Variants in RHBG observed in about 807,000 individuals in gnomAD.
The protein encoded by RHBG is ammonium transporter Rh type B.
RHBG carries 39 observed loss-of-function variants against 40.1 expected under a neutral mutation model. That is an observed-to-expected ratio of 0.97 (90% CI 0.75 to 1.27). The LOEUF is 1.27. Among genes scored for constraint, RHBG ranks in the 50% most tolerant of loss-of-function variants. The pLI, the probability that RHBG is intolerant of heterozygous loss-of-function variation, is 0.00. For missense variants in RHBG, 549 were observed against 588.1 expected (o/e 0.93, Z 0.69); for synonymous variants, 237 against 252.5 (o/e 0.94, Z 0.58).
Position 156,384,288 on chromosome 1 carries a change from CA to C in RHBG, c.1235-238del. 3 of 594,112 alleles carry C rather than the reference CA, an allele frequency of 5.0e-6. No individual in the cohort carries two copies. In the Admixed American group the frequency reaches 9.0e-5, roughly 18 times the overall value. 36.8% of individuals were successfully genotyped at this position (594,112 alleles called of 1,614,324 possible). A position where few individuals can be genotyped will look rare whatever the true frequency, so the allele number is the denominator to read the frequency against. ...GAGTCTTGTTTCTTTGTTTGTAATA[CA>C]GGAATAATATTGGCCTTGCAGGGTT... On this transcript the variant is annotated intron_variant, in intron 8 of 9. Transcript: ENST00000537040.
Position 156,382,204 on chromosome 1 carries a change from G to C in RHBG, c.1112+3G>C, listed in dbSNP as rs1397256739. On this transcript the variant is annotated splice_donor_region_variant and intron_variant, in intron 7 of 9. Transcript: ENST00000537040. Reference sequence around the variant, plus strand: ...ACCCATGAAGCTTACGGAGATGGGTGAGTTTCCTCCCAACCCGTACTGCAG... The same window carrying C: ...ACCCATGAAGCTTACGGAGATGGGTCAGTTTCCTCCCAACCCGTACTGCAG... The C allele has an allele frequency of 1.2e-6, 2 of 1,614,134 alleles. No homozygotes were observed. The highest frequency in any genetic ancestry group is 1.1e-5 in the South Asian group (1 of 91,082).
At chr1:156,383,456 A>G (rs1012327216) in intron 8 of RHBG, among the ~76,000 whole-genome samples, 1 of 152,158 alleles carries the variant, frequency 6.6e-6, no homozygotes, top group African/African-American at 2.4e-5. Flanking sequence ...TTGTATTTTT[A>G]GTAGAGACGG....
chr1:156,375,501 G>A (rs115077245), intron 1 of RHBG, among the ~76,000 whole-genome samples: 1 of 150,732 alleles, frequency 6.6e-6, no homozygotes, highest in Non-Finnish European at 1.5e-5. Flanking sequence ...CAAAGTTACT[G>A]ATTGCATTCT....
intron 4 of RHBG, among the ~76,000 whole-genome samples, chr1:156,380,916 T>G (rs1265443094): frequency 6.6e-6 from 1 of 151,948 alleles, no homozygotes; most frequent in Non-Finnish European, 1.5e-5. Flanking sequence ...ATTATTATTA[T>G]TGAGATAGGG....
intron 1 of RHBG, chr1:156,371,129 T>G: frequency 2.3e-6 from 1 of 429,814 alleles, no homozygotes; most frequent in Non-Finnish European, 4.6e-6. Context: ...AGTCTCCTAT[T>G]AAAAATTTCC....
chr1:156,378,131 T>C lies in RHBG; in HGVS notation c.516T>C (p.His172=), dbSNP rs1356110899. Residue 172 remains histidine (H), a synonymous_variant, in exon 3 of 10, where the codon CAT becomes CAC. Coordinates refer to ENST00000537040, the MANE Select transcript of RHBG (RefSeq NM_020407.5). The part of the protein sequence containing the change: ...LFGINEFVLL[H]LLGVRDAGGS... ...GCATCAATGAGTTTGTGCTCCTTCA[T>C]CTCCTGGGGGTGAGAGTCTGGGGAG... is the stretch of plus-strand genomic sequence containing the variant. The C allele has an allele frequency of 2.5e-6, 4 of 1,591,080 alleles. No individual in the cohort carries two copies. The highest frequency in any genetic ancestry group is 3.4e-6 in the Non-Finnish European group (4 of 1,166,156).
At chr1:156,378,485 G>A in intron 4 of RHBG, 86 bp downstream of exon 4, 1 of 1,476,912 alleles carries the variant, frequency 6.8e-7, no homozygotes, top group African/African-American at 1.4e-5. Context: ...TCGGGGTGCT[G>A]ACTGCAGTCC....
intron 5 of RHBG, 59 bp from the exon 6 acceptor site, chr1:156,381,747 T>C: frequency 1.3e-6 from 2 of 1,541,278 alleles, no homozygotes; most frequent in Non-Finnish European, 1.7e-6. Flanking sequence ...GTGTGTAGGG[T>C]TGGGTTGCTG....
rs67037881 is a variant in RHBG, at chr1:156,380,112, CT to C, written c.674-1219del. 5.7e-3 allele frequency among the ~76,000 whole-genome samples: 747 copies of C among 130,074 alleles called. 5 individuals carry two copies. Among genetic ancestry groups the C allele is most frequent in the African/African-American group, 0.018 (634 of 35,466 alleles). The allele number at this position is 130,074 out of a possible 152,430, so 85.3% of individuals were successfully genotyped here. On this transcript the variant is annotated intron_variant, in intron 4 of 9. Transcript: ENST00000537040. ...GCCTTTTTTCCTTTCCTTTCTTTTT[CT>C]TTTTTTTTTTTTTTTGAGATGGAGT... is the stretch of plus-strand genomic sequence containing the variant.
At position 156,385,159 on chromosome 1, in the gene RHBG, C is replaced by T. The variant is rs1403035631; in HGVS notation, c.*314C>T. On this transcript the variant is annotated 3_prime_UTR_variant, in exon 10 of 10. Transcript: ENST00000537040. ...CAAGTGATCCACTGGCCCCACGTCA[C>T]ACAGTTACAGTGAAGCCCAAGCCAG... The T allele has an allele frequency of 3.3e-6, 1 of 307,490 alleles. No individual in the cohort carries two copies. Among genetic ancestry groups the T allele is most frequent in the Admixed American group, 4.2e-5 (1 of 23,652 alleles). 19.0% of individuals were successfully genotyped at this position (307,490 alleles called of 1,614,324 possible). A position where few individuals can be genotyped will look rare whatever the true frequency, so the allele number is the denominator to read the frequency against.
chr1:156,377,566 C>T lies in RHBG; in HGVS notation c.374+79C>T. On this transcript the variant is annotated intron_variant, in intron 2 of 9. Coordinates refer to ENST00000537040, the MANE Select transcript of RHBG (RefSeq NM_020407.5). This position sits in a 1 kb window ranked among gnomAD's most constrained non-coding sequence, Gnocchi z 4.6. ...CCATGGGCCCCGGATCTAGCCCTGT[C>T]CTTCAAGTCTGCTTCCTGACTCACG... The T allele has an allele frequency of 1.4e-6, 2 of 1,433,974 alleles. No individual in the cohort carries two copies. Among genetic ancestry groups the T allele is most frequent in the South Asian group, 2.6e-5 (2 of 76,736 alleles). The allele number at this position is 1,433,974 out of a possible 1,614,324, so 88.8% of individuals were successfully genotyped here. A position where few individuals can be genotyped will look rare whatever the true frequency, so the allele number is the denominator to read the frequency against.
chr1:156,384,675 C>T, intron 9 of RHBG, 75 bp downstream of exon 9: 1 of 1,541,272 alleles, frequency 6.5e-7, no homozygotes, highest in Non-Finnish European at 8.9e-7. Flanking sequence ...AAGTTGCCTT[C>T]TTCCTTCCTT....
chr1:156,375,031 AT>A (rs1372957211), intron 1 of RHBG, among the ~76,000 whole-genome samples: 1 of 151,266 alleles, frequency 6.6e-6, no homozygotes, highest in African/African-American at 2.4e-5. Flanking sequence ...AGTTGGGGAC[AT>A]TTAGTGTCCC....
Position 156,377,873 on chromosome 1 carries a change from A to G in RHBG, c.375-117A>G. The G allele has an allele frequency of 8.9e-7, 1 of 1,128,914 alleles. No individual in the cohort carries two copies. Among genetic ancestry groups the G allele is most frequent in the Non-Finnish European group, 1.2e-6 (1 of 805,088 alleles). The allele number at this position is 1,128,914 out of a possible 1,614,324, so 69.9% of individuals were successfully genotyped here. A position where few individuals can be genotyped will look rare whatever the true frequency, so the allele number is the denominator to read the frequency against. On this transcript the variant is annotated intron_variant, in intron 2 of 9. Transcript: ENST00000537040. This position sits in a 1 kb window ranked among gnomAD's most constrained non-coding sequence, Gnocchi z 4.6. ...AGCTTGAGCTCCTTGTCTTCTCTCCAGAACTCCAACCCCACCCCACCCACC... is the reference window on the plus strand; with the variant it reads ...AGCTTGAGCTCCTTGTCTTCTCTCCGGAACTCCAACCCCACCCCACCCACC...
At chr1:156,382,999 G>A (rs1250634826) in intron 8 of RHBG, 130 bp downstream of exon 8, 1 of 1,327,738 alleles carries the variant, frequency 7.5e-7, no homozygotes, top group Non-Finnish European at 1.0e-6. Flanking sequence ...TGTGGGTTAA[G>A]GGGTAACCAA....
At chr1:156,381,968 G>A (rs1395139959) in intron 6 of RHBG, 25 bp downstream of exon 6, 3 of 1,611,256 alleles carry the variant, frequency 1.9e-6, no homozygotes, top group East Asian at 4.5e-5. Context: ...TGGAGCCTGG[G>A]CAGAACATGG....
chr1:156,377,543 A>C lies in RHBG; in HGVS notation c.374+56A>C. ...AGGTTCACTCGGGAGGCCCCTGCCC[A>C]TGGGCCCCGGATCTAGCCCTGTCCT... is the stretch of plus-strand genomic sequence containing the variant. On this transcript the variant is annotated intron_variant, in intron 2 of 9. Transcript: ENST00000537040. This position sits in a 1 kb window ranked among gnomAD's most constrained non-coding sequence, Gnocchi z 4.6. 6.4e-7 allele frequency: 1 copy of C among 1,551,130 alleles called. No individual in the cohort carries two copies. The highest frequency in any genetic ancestry group is 1.8e-5 in the Admixed American group (1 of 56,908).
rs867922 is a variant in RHBG at position 156,383,299 on chromosome 1, G to A, written c.1234+430G>A. On this transcript the variant is annotated intron_variant, in intron 8 of 9. Coordinates refer to ENST00000537040, the MANE Select transcript of RHBG (RefSeq NM_020407.5). Reference sequence around the variant, plus strand: ...GTCCATGGCCCTGGGTCAGGCAGTCGCTCTTCATGTTTGGCCTTAGTCTTT... The same window carrying A: ...GTCCATGGCCCTGGGTCAGGCAGTCACTCTTCATGTTTGGCCTTAGTCTTT... Among the ~76,000 whole-genome samples, 782 of 152,320 alleles carry A rather than the reference G, an allele frequency of 5.1e-3. 7 individuals carry two copies. The highest frequency in any genetic ancestry group is 0.018 in the African/African-American group (743 of 41,574).
Position 156,384,760 on chromosome 1 carries a change from C to T in RHBG, c.1309-17C>T. 1 of 1,613,376 alleles carries T rather than the reference C, an allele frequency of 6.2e-7. No individual in the cohort carries two copies. The highest frequency in any genetic ancestry group is 2.2e-5 in the East Asian group (1 of 44,884). On this transcript the variant is annotated splice_polypyrimidine_tract_variant and intron_variant, in intron 9 of 9. Transcript: ENST00000537040. ...CCTGGAGCTACCCTTTCACCTCTAC[C>T]CACTCCTGCCTTCCAGGTGCCTGGC...
Sources: allele counts gnomAD v4.1 joint callset (sites outside exome capture counted in the v4.1 genomes callset), GRCh38; gene constraint gnomAD v4.1.1; non-coding constraint Gnocchi (gnomAD v3.1); transcripts MANE v1.5; gene names NCBI Gene and HGNC (gene_info 2026-07-23, HGNC 2026-07-21).